SYNDIG1L: variants seen among roughly 807,000 people sequenced by gnomAD.
The protein encoded by SYNDIG1L is synapse differentiation inducing 1 like, also known as synapse differentiation-inducing gene protein 1-like.
A neutral mutation model predicts 20.1 loss-of-function variants in SYNDIG1L; 13 were observed. The ratio of observed to expected loss-of-function variants is 0.65; its 90% CI spans 0.42 to 1.03. The LOEUF is 1.03. Among genes scored for constraint, SYNDIG1L ranks in the 50% least tolerant of loss-of-function variants. SYNDIG1L has a pLI of 0.00. For synonymous variants in SYNDIG1L, 128 were observed against 129.3 expected (o/e 0.99, Z 0.07); for missense variants, 294 against 305.1 (o/e 0.96, Z 0.27).
chr14:74,416,353 A>C (rs899806690), intron 1 of SYNDIG1L, among the ~76,000 whole-genome samples: 5 of 152,146 alleles, frequency 3.3e-5, no homozygotes, highest in African/African-American at 1.2e-4. Flanking sequence ...AAAGACAAAG[A>C]GGCTAGGCAT....
chr14:74,420,030 C>T (rs571651494), intron 1 of SYNDIG1L, among the ~76,000 whole-genome samples: 38 of 151,978 alleles, frequency 2.5e-4, no homozygotes, highest in Non-Finnish European at 4.4e-4. Context: ...CTCTGATGGG[C>T]GGCAGGGGAT....
chr14:74,410,026 A>G (rs960040576), intron 1 of SYNDIG1L, among the ~76,000 whole-genome samples: 3 of 152,196 alleles, frequency 2.0e-5, no homozygotes, highest in African/African-American at 7.2e-5. Flanking sequence ...TGGCTTAGTC[A>G]TTTGTCCATT....
At chr14:74,439,972 G>A in the SYNDIG1L span, among the ~76,000 whole-genome samples, 1 of 151,980 alleles carries the variant, frequency 6.6e-6, no homozygotes, top group Non-Finnish European at 1.5e-5. Flanking sequence ...GCCTCTCCAA[G>A]CCCACTTCCA....
chr14:74,434,946 G>A, the SYNDIG1L span, among the ~76,000 whole-genome samples: 1 of 151,198 alleles, frequency 6.6e-6, no homozygotes, highest in East Asian at 1.9e-4. Context: ...AGCCGGGCGT[G>A]GTGGTGGGTG....
At chr14:74,408,748 C>A (rs1343537683) in intron 2 of SYNDIG1L, among the ~76,000 whole-genome samples, 1 of 152,030 alleles carries the variant, frequency 6.6e-6, no homozygotes, top group Non-Finnish European at 1.5e-5. Context: ...GATTATAAAA[C>A]TATGTACAGC....
chr14:74,473,191 GC>G, the SYNDIG1L span, among the ~76,000 whole-genome samples: 385 of 152,146 alleles, frequency 2.5e-3, 4 homozygotes, highest in African/African-American at 9.0e-3. Context: ...TTTAAGACTA[GC>G]CTGGCCAATA....
At chr14:74,433,873 T>C in the SYNDIG1L span, among the ~76,000 whole-genome samples, 1 of 152,164 alleles carries the variant, frequency 6.6e-6, no homozygotes. Context: ...CTATGTAAGC[T>C]TTGCACACAA....
At chr14:74,432,208 A>G in the SYNDIG1L span, among the ~76,000 whole-genome samples, 1 of 150,266 alleles carries the variant, frequency 6.7e-6, no homozygotes, top group African/African-American at 2.4e-5. Flanking sequence ...AGAAAGGGAG[A>G]AGAAGGGATA....
the SYNDIG1L span, among the ~76,000 whole-genome samples, chr14:74,457,273 T>G: frequency 6.6e-6 from 1 of 151,992 alleles, no homozygotes; most frequent in African/African-American, 2.4e-5. Context: ...CTCCCAGGCC[T>G]CCTTTCCCAC....
chr14:74,426,194 C>T lies in SYNDIG1L; in HGVS notation c.-340G>A. 6.6e-6 allele frequency: 1 copy of T among 151,208 alleles called. No individual in the cohort carries two copies. Among genetic ancestry groups the T allele is most frequent in the Non-Finnish European group, 1.5e-5 (1 of 67,544 alleles). The allele number at this position is 151,208 out of a possible 1,614,324, so 9.4% of individuals were successfully genotyped here. ...GCGCAGCCCTCGGCCCGGCCCGAGG[C>T]GGCTCCGCGCCGACTTGGGAGAGCA... On this transcript the variant is annotated 5_prime_UTR_variant, in exon 1 of 4. Transcript: ENST00000331628.
At chr14:74,477,118 AACACACAC>A in the SYNDIG1L span, among the ~76,000 whole-genome samples, 1,219 of 83,142 alleles carry the variant, frequency 0.015, 38 homozygotes, top group African/African-American at 0.029. Context: ...CCCCATTCCC[AACACACAC>A]ACACACACAC....
upstream of SYNDIG1L, among the ~76,000 whole-genome samples, chr14:74,430,479 A>T (rs1251674544): frequency 6.6e-6 from 1 of 151,656 alleles, no homozygotes; most frequent in Admixed American, 6.6e-5. Context: ...TCTGTCACCC[A>T]GGCTAGAGTG....
chr14:74,458,494 T>C, the SYNDIG1L span, among the ~76,000 whole-genome samples: 130 of 151,820 alleles, frequency 8.6e-4, no homozygotes, highest in African/African-American at 3.0e-3. Context: ...TGGTGGCAGG[T>C]GCCTGTAATC....
In SYNDIG1L at chr14:74,414,172, C is replaced by T. The variant is rs531374792; in HGVS notation, c.-57-4371G>A. Among the ~76,000 whole-genome samples, 12 of 152,356 alleles carry T rather than the reference C, an allele frequency of 7.9e-5. 1 individual carries two copies. The highest frequency in any genetic ancestry group is 2.6e-4 in the African/African-American group (11 of 41,590). ...CTGGATGGTGTGTGCCTTCCAGACC[C>T]TGTGTGGTTACCTGAGGACCTACGG... is the stretch of plus-strand genomic sequence containing the variant. On this transcript the variant is annotated intron_variant, in intron 1 of 3. Coordinates refer to ENST00000331628, the MANE Select transcript of SYNDIG1L (RefSeq NM_001105579.2).
the SYNDIG1L span, among the ~76,000 whole-genome samples, chr14:74,468,598 C>CCACA: frequency 6.6e-6 from 1 of 152,116 alleles, no homozygotes; most frequent in Non-Finnish European, 1.5e-5. Flanking sequence ...AGCTCTTCCC[C>CCACA]CACACACACT....
rs1051401318 is a variant in SYNDIG1L at position 74,407,318 on chromosome 14, G to C, written c.*217C>G. ...TGTTTCCCGTCTGTAGCCTGGGTTA[G>C]AGAGTGGCGCCCCGGGCCCTGCTCT... On this transcript the variant is annotated 3_prime_UTR_variant, in exon 4 of 4. Coordinates refer to ENST00000331628, the MANE Select transcript of SYNDIG1L (RefSeq NM_001105579.2). The C allele has an allele frequency of 2.3e-5, 15 of 657,472 alleles. No homozygotes were observed. The African/African-American group carries it at 2.7e-4, about 12-fold the overall frequency. 40.7% of individuals were successfully genotyped at this position (657,472 alleles called of 1,614,324 possible).
intron 1 of SYNDIG1L, among the ~76,000 whole-genome samples, chr14:74,420,078 G>A (rs1326091137): frequency 6.6e-6 from 1 of 152,064 alleles, no homozygotes; most frequent in East Asian, 1.9e-4. Context: ...GAGGCTAGGA[G>A]TCCTGTTAAG....
At chr14:74,413,466 G>T (rs556430989) in intron 1 of SYNDIG1L, among the ~76,000 whole-genome samples, 1 of 152,242 alleles carries the variant, frequency 6.6e-6, no homozygotes, top group African/African-American at 2.4e-5. Flanking sequence ...TTGCAGATTC[G>T]GTGAGAAAGA....
the SYNDIG1L span, among the ~76,000 whole-genome samples, chr14:74,453,418 G>A: frequency 4.1e-5 from 6 of 147,908 alleles, no homozygotes; most frequent in East Asian, 1.2e-3. Flanking sequence ...AGTTGTTTGG[G>A]CAGGGAGAGG....
Sources: allele counts gnomAD v4.1 joint callset (sites outside exome capture counted in the v4.1 genomes callset), GRCh38; gene constraint gnomAD v4.1.1; transcripts MANE v1.5; gene names NCBI Gene and HGNC (gene_info 2026-07-23, HGNC 2026-07-21).